TCF7L1: variants seen among roughly 807,000 people sequenced by gnomAD.
TCF7L1 encodes transcription factor 7 like 1, also known as transcription factor 7-like 1.
In TCF7L1, 18 loss-of-function variants were observed where a neutral mutation model predicts 63.7. That is an observed-to-expected ratio of 0.28 (90% CI 0.20 to 0.42). The LOEUF (loss-of-function observed/expected upper bound fraction) is 0.42, where lower values mean the gene tolerates loss of function less well. Among genes scored for constraint, TCF7L1 ranks in the 10% least tolerant of loss-of-function variants. The probability of loss-of-function intolerance (pLI) is 1.00; values close to 1 mark genes in which losing one functional copy is unlikely to be tolerated. For missense variants in TCF7L1, 654 were observed against 779.3 expected, an observed-to-expected ratio of 0.84 and a Z score of 1.91; for synonymous variants, 355 against 340.9, an observed-to-expected ratio of 1.04 and a Z score of -0.46.
At chr2:85,224,447 C>A (rs1052265694) in intron 3 of TCF7L1, among the ~76,000 whole-genome samples, 1 of 152,194 alleles carries the variant, frequency 6.6e-6, no homozygotes, top group Non-Finnish European at 1.5e-5. Flanking sequence ...CTCTCCAGCA[C>A]CTGTTGTTTC....
intron 3 of TCF7L1, among the ~76,000 whole-genome samples, chr2:85,274,713 G>C (rs1269910348): frequency 6.6e-6 from 1 of 152,170 alleles, no homozygotes; most frequent in Admixed American, 6.5e-5. Context: ...CAAATGCTTT[G>C]GTTTTTCACT....
At chr2:85,283,392 C>A in intron 3 of TCF7L1, 103 bp from the exon 4 acceptor site, 1 of 1,226,078 alleles carries the variant, frequency 8.2e-7, no homozygotes, top group Non-Finnish European at 1.2e-6. Context: ...GCAGGCCACC[C>A]CAATGGCCTG....
chr2:85,291,502 C>G (rs1487836444), intron 4 of TCF7L1, among the ~76,000 whole-genome samples: 2 of 152,144 alleles, frequency 1.3e-5, no homozygotes, highest in Non-Finnish European at 2.9e-5. Context: ...CCGGAAGCAC[C>G]TTTAACATCC....
intron 3 of TCF7L1, among the ~76,000 whole-genome samples, chr2:85,174,135 G>A (rs1678622070): frequency 6.6e-6 from 1 of 152,138 alleles, no homozygotes; most frequent in Admixed American, 6.5e-5. Flanking sequence ...TTTCATCACT[G>A]CATTAGCAGT....
At chr2:85,201,264 T>C (rs1194489316) in intron 3 of TCF7L1, among the ~76,000 whole-genome samples, 1 of 152,204 alleles carries the variant, frequency 6.6e-6, no homozygotes, top group Non-Finnish European at 1.5e-5. Context: ...TGTATTTAAT[T>C]TTATGCAGTG....
intron 4 of TCF7L1, among the ~76,000 whole-genome samples, chr2:85,293,206 T>C (rs954897936): frequency 1.3e-5 from 2 of 152,192 alleles, no homozygotes; most frequent in Non-Finnish European, 2.9e-5. Context: ...CACCCAAATC[T>C]TGTGTCTAAC....
chr2:85,210,443 C>T (rs574097961), intron 3 of TCF7L1, among the ~76,000 whole-genome samples: 52 of 152,298 alleles, frequency 3.4e-4, no homozygotes, highest in African/African-American at 1.2e-3. Flanking sequence ...TTTGCATTGG[C>T]ACAGTAGCCA....
chr2:85,153,023 C>T (rs139095253), intron 3 of TCF7L1, among the ~76,000 whole-genome samples: 155 of 152,324 alleles, frequency 1.0e-3, no homozygotes, highest in Non-Finnish European at 1.9e-3. Flanking sequence ...AACAATGCTT[C>T]GTTTCCTTAG....
chr2:85,255,626 G>T (rs2104339928), intron 3 of TCF7L1, among the ~76,000 whole-genome samples: 1 of 152,310 alleles, frequency 6.6e-6, no homozygotes, highest in South Asian at 2.1e-4. Flanking sequence ...GGTCTGCGAG[G>T]CCTGCCTAAG....
At position 85,134,314 on chromosome 2, in the gene TCF7L1, T is replaced by C. The variant is rs760289467; in HGVS notation, c.314-9T>C. On this transcript the variant is annotated splice_polypyrimidine_tract_variant and intron_variant, in intron 2 of 11. Coordinates refer to ENST00000282111, the MANE Select transcript of TCF7L1 (RefSeq NM_031283.3). The surrounding 1 kb of genome is among the most constrained non-coding windows in gnomAD (Gnocchi z 5.0). The stretch of plus-strand genomic sequence containing the variant: ...CCTGGGCCTCACCTCGCCTTGGTCT[T>C]GTTCGCAGTGAGAAGGCCTCAGGAC... 11 of 1,579,376 alleles carry C rather than the reference T, an allele frequency of 7.0e-6. No individual in the cohort carries two copies. The highest frequency in any genetic ancestry group is 1.8e-4 in the Middle Eastern group (1 of 5,654).
At chr2:85,236,698 G>A (rs1266983331) in intron 3 of TCF7L1, among the ~76,000 whole-genome samples, 2 of 152,070 alleles carry the variant, frequency 1.3e-5, no homozygotes, top group East Asian at 1.9e-4. Flanking sequence ...TTGGGGGCAG[G>A]GGCAACATAA....
chr2:85,158,830 C>T (rs184945908), intron 3 of TCF7L1, among the ~76,000 whole-genome samples: 19 of 152,394 alleles, frequency 1.2e-4, no homozygotes, highest in Admixed American at 7.2e-4. Flanking sequence ...GGCCACAGCT[C>T]ACCTACTGAA....
intron 3 of TCF7L1, among the ~76,000 whole-genome samples, chr2:85,173,977 C>T (rs142717815): frequency 0.038 from 5,833 of 152,154 alleles, 151 homozygotes; most frequent in Non-Finnish European, 0.053. Flanking sequence ...CCTTGTGATC[C>T]GCCCGCCTCA....
chr2:85,225,727 A>G (rs1022595872), intron 3 of TCF7L1, among the ~76,000 whole-genome samples: 16 of 152,300 alleles, frequency 1.1e-4, no homozygotes, highest in African/African-American at 3.6e-4. Flanking sequence ...CTGCAAACAG[A>G]GACAATTTGA....
intron 3 of TCF7L1, among the ~76,000 whole-genome samples, chr2:85,227,205 T>A (rs1481024442): frequency 6.6e-6 from 1 of 152,220 alleles, no homozygotes; most frequent in Non-Finnish European, 1.5e-5. Context: ...CTTCTCTTCC[T>A]GCCCTCACCC....
At chr2:85,260,663 A>G (rs948091347) in intron 3 of TCF7L1, among the ~76,000 whole-genome samples, 1 of 151,918 alleles carries the variant, frequency 6.6e-6, no homozygotes, top group African/African-American at 2.4e-5. Flanking sequence ...AAACAGACAA[A>G]TAGACCTTGT....
intron 3 of TCF7L1, among the ~76,000 whole-genome samples, chr2:85,222,815 A>G (rs1679877167): frequency 6.6e-6 from 1 of 152,176 alleles, no homozygotes; most frequent in East Asian, 1.9e-4. Context: ...ATATTAGAAA[A>G]TTATTGTTAA....
chr2:85,207,968 G>A (rs1018317728), intron 3 of TCF7L1, among the ~76,000 whole-genome samples: 2 of 151,946 alleles, frequency 1.3e-5, no homozygotes, highest in East Asian at 1.9e-4. Context: ...GTTCAGTGGC[G>A]CCATCTCGGC....
In TCF7L1 at chr2:85,309,862, C is replaced by G. The variant is rs1054119313; in HGVS notation, c.*400C>G. 6 of 181,000 alleles carry G rather than the reference C, an allele frequency of 3.3e-5. No individual in the cohort carries two copies. Among genetic ancestry groups the G allele is most frequent in the Non-Finnish European group, 6.9e-5 (6 of 87,044 alleles). The allele number at this position is 181,000 out of a possible 1,614,324, so 11.2% of individuals were successfully genotyped here. A position where few individuals can be genotyped will look rare whatever the true frequency, so the allele number is the denominator to read the frequency against. ...TGCAGCTCTGCCATTGTGACATTTC[C>G]TGTTACCCAGCCCAAGTTTTCATCG... is the stretch of plus-strand genomic sequence containing the variant. On this transcript the variant is annotated 3_prime_UTR_variant, in exon 12 of 12. Transcript: ENST00000282111.
Sources: gnomAD v4.1 joint callset for allele counts (sites outside exome capture counted in the v4.1 genomes callset) on GRCh38, gnomAD v4.1.1 for gene constraint, Gnocchi (gnomAD v3.1) non-coding constraint, MANE v1.5 for transcripts, NCBI Gene and HGNC (gene_info 2026-07-23, HGNC 2026-07-21) for gene names.